Variants in EYS observed in about 807,000 individuals in gnomAD.
The protein encoded by EYS is protein eyes shut homolog.
In EYS, 250 loss-of-function variants were observed where a neutral mutation model predicts 282.1. The ratio of observed to expected loss-of-function variants is 0.89; its 90% CI spans 0.80 to 0.98. The LOEUF is 0.98. Ranked by LOEUF, EYS falls within the 50% of genes least tolerant of loss-of-function variation. EYS has a pLI of 0.00. For synonymous variants in EYS, 1,355 were observed against 1,282.9 expected (o/e 1.06, Z -1.20); for missense variants, 4,016 against 3,709.0 (o/e 1.08, Z -2.15).
rs768011619 is a variant in EYS at position 64,188,996 on chromosome 6, C to CA, written c.6424+41595dup. On this transcript the variant is annotated intron_variant, in intron 31 of 42. Coordinates refer to ENST00000503581, the MANE Select transcript of EYS (RefSeq NM_001142800.2). The stretch of plus-strand genomic sequence containing the variant: ...ATACTTCTTTCCTCAGAGAACATTA[C>CA]AAAAAATCATTGTTAGATAATAATA... Among the ~76,000 whole-genome samples the CA allele has an allele frequency of 5.3e-5, 8 of 152,076 alleles. No homozygotes were observed. The East Asian group carries it at 1.2e-3, about 22-fold the overall frequency.
At chr6:64,230,889 T>C (rs1243619226) in intron 30 of EYS, 65 bp from the exon 31 acceptor site, 2 of 967,368 alleles carry the variant, frequency 2.1e-6, no homozygotes, top group Non-Finnish European at 3.0e-6. Flanking sequence ...TAAATAGAAA[T>C]AATAGAAAAT....
intron 31 of EYS, among the ~76,000 whole-genome samples, chr6:64,093,057 T>C (rs1381997493): frequency 2.6e-5 from 4 of 152,182 alleles, no homozygotes; most frequent in Non-Finnish European, 5.9e-5. Context: ...AAATATCAGA[T>C]AGTTGTAGAT....
chr6:64,385,445 C>T (rs994937500), intron 29 of EYS, among the ~76,000 whole-genome samples: 10 of 152,144 alleles, frequency 6.6e-5, no homozygotes, highest in African/African-American at 2.4e-4. Context: ...ACCTGCTTAG[C>T]TGGCTGCCTT....
intron 13 of EYS, among the ~76,000 whole-genome samples, chr6:65,026,152 C>A (rs1364444491): frequency 6.6e-6 from 1 of 151,754 alleles, no homozygotes; most frequent in South Asian, 2.1e-4. Context: ...TTTATGAAAT[C>A]TTTACATAGC....
At chr6:64,393,168 C>A (rs1353693186) in intron 28 of EYS, among the ~76,000 whole-genome samples, 1 of 152,016 alleles carries the variant, frequency 6.6e-6, no homozygotes, top group Non-Finnish European at 1.5e-5. Context: ...GAGTCCAGGA[C>A]CAGAGGGATT....
Position 64,302,440 on chromosome 6 carries a change from T to A in EYS, c.6191+4530A>T, listed in dbSNP as rs6454782. On this transcript the variant is annotated intron_variant, in intron 30 of 42. Transcript: ENST00000503581. ...TACATGGATCAATTGATACCAACAC[T>A]TATCTAATTAGTGCACATGCTCTTC... Among the ~76,000 whole-genome samples the A allele has an allele frequency of 2.0e-5, 3 of 151,952 alleles. No individual in the cohort carries two copies. The East Asian group carries it at 5.8e-4, about 29-fold the overall frequency.
At chr6:64,489,296 T>C (rs1468899692) in intron 26 of EYS, among the ~76,000 whole-genome samples, 1 of 150,746 alleles carries the variant, frequency 6.6e-6, no homozygotes, top group Non-Finnish European at 1.5e-5. Context: ...ATTTTAACTG[T>C]GGTTAAGGGG....
intron 29 of EYS, among the ~76,000 whole-genome samples, chr6:64,335,635 C>A (rs1024192688): frequency 6.6e-6 from 1 of 152,016 alleles, no homozygotes; most frequent in East Asian, 1.9e-4. Context: ...TCTCCCGAAC[C>A]TTTTTCAGTC....
intron 29 of EYS, among the ~76,000 whole-genome samples, chr6:64,320,232 T>A (rs1770162586): frequency 6.6e-6 from 1 of 151,992 alleles, no homozygotes; most frequent in Non-Finnish European, 1.5e-5. Context: ...ATATTTTTCT[T>A]CAAATCTGGA....
chr6:64,549,571 C>T (rs1241676004), intron 26 of EYS, among the ~76,000 whole-genome samples: 1 of 152,110 alleles, frequency 6.6e-6, no homozygotes, highest in African/African-American at 2.4e-5. Context: ...TAAACTTCTC[C>T]TGCCCACTCA....
chr6:65,095,779 G>A (rs1268432692), intron 12 of EYS, among the ~76,000 whole-genome samples: 1 of 151,028 alleles, frequency 6.6e-6, no homozygotes, highest in Admixed American at 6.6e-5. Flanking sequence ...CAAAAACTAT[G>A]CATAGACGGA....
At chr6:64,447,185 T>C (rs545107521) in intron 26 of EYS, among the ~76,000 whole-genome samples, 1 of 152,124 alleles carries the variant, frequency 6.6e-6, no homozygotes, top group African/African-American at 2.4e-5. Flanking sequence ...CCACAGATAC[T>C]GTCTAAAACT....
intron 37 of EYS, among the ~76,000 whole-genome samples, chr6:63,798,987 GTATATATATATATATATATATA>G (rs56290982): frequency 9.3e-5 from 8 of 85,792 alleles, no homozygotes; most frequent in African/African-American, 4.2e-4. Flanking sequence ...GTATATGTGT[GTATATATATATATATATATATA>G]TATATATATA....
At chr6:64,182,290 G>A (rs918066938) in intron 31 of EYS, among the ~76,000 whole-genome samples, 6 of 151,982 alleles carry the variant, frequency 3.9e-5, no homozygotes, top group African/African-American at 9.7e-5. Flanking sequence ...CACCCAGATG[G>A]CTAGTTTTTG....
At position 64,084,766 on chromosome 6, in the gene EYS, A is replaced by T. The variant is rs972170866; in HGVS notation, c.6425-2764T>A. ...TGTAATACGGAAAGTTTTCTAAAGT[A>T]AATGCTCCAAGGACCTAGTCAGGAA... On this transcript the variant is annotated intron_variant, in intron 31 of 42. Transcript: ENST00000503581. Among the ~76,000 whole-genome samples the T allele has an allele frequency of 3.3e-5, 5 of 152,192 alleles. No homozygotes were observed. The South Asian group carries it at 1.0e-3, about 32-fold the overall frequency.
chr6:64,661,128 A>C (rs1367889701), intron 22 of EYS, among the ~76,000 whole-genome samples: 7 of 152,138 alleles, frequency 4.6e-5, no homozygotes, highest in African/African-American at 1.7e-4. Context: ...CAAAAACAAG[A>C]AATGGGGAAA....
intron 7 of EYS, among the ~76,000 whole-genome samples, chr6:65,395,854 C>G (rs1245538882): frequency 1.3e-5 from 2 of 152,072 alleles, no homozygotes; most frequent in African/African-American, 4.8e-5. Context: ...TTGAACACCC[C>G]CCATTTCTCT....
chr6:65,327,063 G>A (rs775580109), intron 11 of EYS, among the ~76,000 whole-genome samples: 3 of 151,154 alleles, frequency 2.0e-5, no homozygotes, highest in Non-Finnish European at 4.4e-5. Flanking sequence ...ATACTTTCAG[G>A]AGCCTAAATT....
At chr6:63,876,903 G>T (rs1772988529) in intron 35 of EYS, among the ~76,000 whole-genome samples, 1 of 152,060 alleles carries the variant, frequency 6.6e-6, no homozygotes, top group Non-Finnish European at 1.5e-5. Flanking sequence ...GCACACTGGT[G>T]GGTCTTGACT....
Sources: allele counts gnomAD v4.1 joint callset (sites outside exome capture counted in the v4.1 genomes callset), GRCh38; gene constraint gnomAD v4.1.1; transcripts MANE v1.5; gene names NCBI Gene and HGNC (gene_info 2026-07-23, HGNC 2026-07-21).